Variants in CEP63 observed in about 807,000 individuals in gnomAD.
CEP63 encodes centrosomal protein 63, also known as centrosomal protein of 63 kDa.
A neutral mutation model predicts 89.1 loss-of-function variants in CEP63; 84 were observed. The observed-to-expected ratio is 0.94, with a 90% CI of 0.79 to 1.13. The LOEUF (loss-of-function observed/expected upper bound fraction) is 1.13. CEP63 is among the 50% of genes most tolerant of loss of function. The probability of loss-of-function intolerance (pLI) is 0.00; values close to 1 mark genes in which losing one functional copy is unlikely to be tolerated. For missense variants in CEP63, 838 were observed against 813.3 expected (o/e 1.03, Z -0.37); for synonymous variants, 267 against 272.5 (o/e 0.98, Z 0.20).
At chr3:134,514,347 T>C (rs1167156410) in intron 3 of CEP63, among the ~76,000 whole-genome samples, 1 of 151,738 alleles carries the variant, frequency 6.6e-6, no homozygotes, top group African/African-American at 2.4e-5. Context: ...AACAAGAAAG[T>C]CTAATATAAG....
chr3:134,524,001 A>G (rs1437211014), intron 3 of CEP63, among the ~76,000 whole-genome samples: 1 of 152,150 alleles, frequency 6.6e-6, no homozygotes, highest in Non-Finnish European at 1.5e-5. Flanking sequence ...TTTTAATGAT[A>G]CTGATTCTTC....
the CEP63 span, among the ~76,000 whole-genome samples, chr3:134,677,261 A>G: frequency 6.6e-6 from 1 of 152,200 alleles, no homozygotes; most frequent in Admixed American, 6.5e-5. Context: ...TCCATCTCAA[A>G]AAAAAGTTCT....
At chr3:134,535,633 C>T (rs1218727202) in intron 5 of CEP63, 3 of 151,994 alleles carry the variant, frequency 2.0e-5, no homozygotes, top group Non-Finnish European at 4.4e-5. Flanking sequence ...GACAGAATAA[C>T]TTTCAACTGC....
chr3:134,533,449 C>G (rs1170703141), intron 5 of CEP63, among the ~76,000 whole-genome samples: 1 of 152,190 alleles, frequency 6.6e-6, no homozygotes, highest in African/African-American at 2.4e-5. Context: ...TCAGATTATT[C>G]TCAATTCCCA....
intron 1 of CEP63, 69 bp downstream of exon 1, chr3:134,486,271 G>T: frequency 1.0e-6 from 1 of 985,608 alleles, no homozygotes; most frequent in Non-Finnish European, 1.2e-6. Flanking sequence ...AGTTGGAGGG[G>T]CAAGGGGCTG....
At chr3:134,536,975 G>T in intron 5 of CEP63, 180 bp from the exon 6 acceptor site, 1 of 630,844 alleles carries the variant, frequency 1.6e-6, no homozygotes, top group Middle Eastern at 4.3e-4. Context: ...GGCACAGTAT[G>T]TGAGGAAGTT....
At position 134,584,487 on chromosome 3, in the gene CEP63, T is replaced by G. The variant is rs866363262; in HGVS notation, c.1207-2971T>G. 2.0e-5 allele frequency among the ~76,000 whole-genome samples: 3 copies of G among 152,338 alleles called. No individual in the cohort carries two copies. The South Asian group carries it at 6.2e-4, about 32-fold the overall frequency. Reference sequence around the variant, plus strand: ...TATGTGATGGATTACATTTGTTGATTTGCATATGTTGAACCAGTCTTGAAT... The same window carrying G: ...TATGTGATGGATTACATTTGTTGATGTGCATATGTTGAACCAGTCTTGAAT... On this transcript the variant is annotated intron_variant, in intron 10 of 10. Coordinates refer to the CEP63 transcript ENST00000683931.
chr3:134,613,555 A>G, the CEP63 span, among the ~76,000 whole-genome samples: 82 of 152,358 alleles, frequency 5.4e-4, no homozygotes, highest in South Asian at 4.1e-3. Flanking sequence ...TATCATGGGC[A>G]GAGAGAAATG....
downstream of CEP63, among the ~76,000 whole-genome samples, chr3:134,589,987 A>C (rs1958568201): frequency 6.6e-6 from 1 of 152,332 alleles, no homozygotes. Context: ...TAAGTGAACT[A>C]ACATAGGAAC....
chr3:134,588,719 A>T (rs1449012716), downstream of CEP63, among the ~76,000 whole-genome samples: 1 of 152,260 alleles, frequency 6.6e-6, no homozygotes, highest in Admixed American at 6.5e-5. Context: ...CATAAGGAGT[A>T]GCAATTAATG....
the CEP63 span, among the ~76,000 whole-genome samples, chr3:134,770,459 A>G: frequency 6.6e-6 from 1 of 152,174 alleles, no homozygotes; most frequent in African/African-American, 2.4e-5. Flanking sequence ...AAATGTAAAC[A>G]CTTTGGAACA....
downstream of CEP63, among the ~76,000 whole-genome samples, chr3:134,579,364 G>C (rs937931646): frequency 6.6e-6 from 1 of 152,168 alleles, no homozygotes; most frequent in African/African-American, 2.4e-5. Context: ...ATACCAAGCT[G>C]TTTTCCAAAG....
In CEP63 at chr3:134,550,515, C is replaced by T. The variant is rs561262511; in HGVS notation, c.1380+255C>T. Among the ~76,000 whole-genome samples, 45 of 152,268 alleles carry T rather than the reference C, an allele frequency of 3.0e-4. 1 individual carries two copies. The highest frequency in any genetic ancestry group is 5.6e-4 in the Non-Finnish European group (38 of 68,026). ...TCACAAGCAGCCTGAATCTAGACCA[C>T]TCGCTGCAAAGGCCTTCCAGAAGGT... On this transcript the variant is annotated intron_variant, in intron 11 of 14. Coordinates refer to ENST00000675561, the MANE Select transcript of CEP63 (RefSeq NM_001353108.3).
chr3:134,546,349 G>A, intron 8 of CEP63, 61 bp downstream of exon 8: 1 of 1,407,312 alleles, frequency 7.1e-7, no homozygotes, highest in Non-Finnish European at 9.8e-7. Context: ...TTAAGCACTA[G>A]GCTTATTTTT....
intron 4 of CEP63, among the ~76,000 whole-genome samples, chr3:134,532,522 C>A (rs1317856176): frequency 1.3e-5 from 2 of 152,052 alleles, no homozygotes; most frequent in African/African-American, 4.8e-5. Flanking sequence ...GTGGTAGGGT[C>A]TTTAAGTGCA....
intron 3 of CEP63, among the ~76,000 whole-genome samples, chr3:134,508,424 T>A (rs995434735): frequency 2.0e-5 from 3 of 152,206 alleles, no homozygotes; most frequent in Non-Finnish European, 4.4e-5. Flanking sequence ...TTTGATTTTT[T>A]AAAAATCATA....
chr3:134,558,911 C>A (rs890852723), intron 13 of CEP63, among the ~76,000 whole-genome samples: 1 of 152,124 alleles, frequency 6.6e-6, no homozygotes, highest in African/African-American at 2.4e-5. Context: ...ATTACTCTGG[C>A]AGCTTGTTTG....
At chr3:134,544,334 T>C (rs562928076) in intron 6 of CEP63, among the ~76,000 whole-genome samples, 13 of 152,146 alleles carry the variant, frequency 8.5e-5, no homozygotes, top group Admixed American at 2.6e-4. Context: ...ACTAAAAAGT[T>C]TGGAGCTAAA....
intron 7 of CEP63, 24 bp from the exon 8 acceptor site, chr3:134,546,125 T>C (rs769095256): frequency 6.2e-7 from 1 of 1,612,480 alleles, no homozygotes; most frequent in Non-Finnish European, 8.5e-7. Flanking sequence ...AGGAAAATTA[T>C]AATCATATTT....
Sources: gnomAD v4.1 joint callset for allele counts (sites outside exome capture counted in the v4.1 genomes callset) on GRCh38, gnomAD v4.1.1 for gene constraint, MANE v1.5 for transcripts, NCBI Gene and HGNC (gene_info 2026-07-23, HGNC 2026-07-21) for gene names.